SRPK2: variants seen among roughly 807,000 people sequenced by gnomAD.
SRPK2 encodes the protein SRSF protein kinase 2, also known as SFRS protein kinase 2.
In SRPK2, 21 loss-of-function variants were observed where a neutral mutation model predicts 90.8. That is an observed-to-expected ratio of 0.23 (90% CI 0.16 to 0.33). SRPK2 has a LOEUF of 0.33. SRPK2 is among the 10% of genes least tolerant of loss of function. The probability of loss-of-function intolerance (pLI) is 1.00; values close to 1 mark genes in which losing one functional copy is unlikely to be tolerated. For missense variants in SRPK2, 620 were observed against 869.0 expected (o/e 0.71, Z 3.60); for synonymous variants, 288 against 311.1 (o/e 0.93, Z 0.78).
At chr7:105,182,231 CAA>C (rs368137906) in intron 3 of SRPK2, among the ~76,000 whole-genome samples, 8 of 65,840 alleles carry the variant, frequency 1.2e-4, no homozygotes, top group Admixed American at 7.3e-4. Flanking sequence ...GACTCTGTCT[CAA>C]AAAAAAAAAA....
At chr7:105,199,291 T>C (rs1382205280) in intron 3 of SRPK2, among the ~76,000 whole-genome samples, 1 of 152,186 alleles carries the variant, frequency 6.6e-6, no homozygotes, top group Non-Finnish European at 1.5e-5. Context: ...GTGATGTCTT[T>C]TGTTGTTAAT....
At chr7:105,311,242 T>A (rs1243482800) in intron 2 of SRPK2, among the ~76,000 whole-genome samples, 1 of 149,300 alleles carries the variant, frequency 6.7e-6, no homozygotes, top group Non-Finnish European at 1.5e-5. Context: ...TTCTTTCTTA[T>A]TTTTTTTTTG....
In SRPK2 at chr7:105,293,473, G is replaced by A. The variant is rs544057274; in HGVS notation, c.72-89688C>T. Reference sequence around the variant, plus strand: ...TTTTTGTGGGGGGGTGGGAGACAGAGTCTTTGCAACCTTCCCCCTCCACCC... The same window carrying A: ...TTTTTGTGGGGGGGTGGGAGACAGAATCTTTGCAACCTTCCCCCTCCACCC... On this transcript the variant is annotated intron_variant, in intron 2 of 15. Transcript: ENST00000393651. Among the ~76,000 whole-genome samples the A allele has an allele frequency of 1.2e-4, 19 of 152,050 alleles. 1 individual carries two copies. Among genetic ancestry groups the A allele is most frequent in the African/African-American group, 4.3e-4 (18 of 41,460 alleles).
intron 2 of SRPK2, among the ~76,000 whole-genome samples, chr7:105,364,745 T>C (rs1818839330): frequency 6.6e-6 from 1 of 152,200 alleles, no homozygotes. Context: ...GAAGCTAAAT[T>C]AGAGACATTG....
Position 105,292,279 on chromosome 7 carries a change from G to A in SRPK2, c.72-88494C>T, listed in dbSNP as rs117584212. Among the ~76,000 whole-genome samples, 430 of 152,066 alleles carry A rather than the reference G, an allele frequency of 2.8e-3. 11 individuals carry two copies. The East Asian group carries it at 0.055, about 19-fold the overall frequency. ...TCCCAGCACTTTGGGAGGCCGAGGC[G>A]GGCCAATCATCTGAGGTCAGGAGTT... is the stretch of plus-strand genomic sequence containing the variant. On this transcript the variant is annotated intron_variant, in intron 2 of 15. Coordinates refer to ENST00000393651, the MANE Select transcript of SRPK2 (RefSeq NM_182692.3).
chr7:105,226,464 T>C (rs1473386251), intron 2 of SRPK2, among the ~76,000 whole-genome samples: 1 of 152,006 alleles, frequency 6.6e-6, no homozygotes, highest in African/African-American at 2.4e-5. Context: ...CTAACTTTAG[T>C]ATTTTTAGTA....
At position 105,368,429 on chromosome 7, in the gene SRPK2, ATC is replaced by A. The variant is rs572325437; in HGVS notation, c.71+20217_71+20218del. On this transcript the variant is annotated intron_variant, in intron 2 of 15. Coordinates refer to ENST00000393651, the MANE Select transcript of SRPK2 (RefSeq NM_182692.3). ...AGTTAAAAGTAAGGTTCTTACAATA[ATC>A]TCTCTTTGAGGACTAGAAACTATTT... Among the ~76,000 whole-genome samples the A allele has an allele frequency of 7.2e-5, 11 of 152,256 alleles. No individual in the cohort carries two copies. In the East Asian group the frequency reaches 2.1e-3, roughly 29 times the overall value.
At chr7:105,385,702 CTCAG>C (rs2132764143) in intron 2 of SRPK2, among the ~76,000 whole-genome samples, 1 of 152,350 alleles carries the variant, frequency 6.6e-6, no homozygotes, top group South Asian at 2.1e-4. Flanking sequence ...AATGCCATTT[CTCAG>C]AGAGTGGACT....
At chr7:105,388,729 G>C in intron 1 of SRPK2, 27 bp from the exon 2 acceptor site, 6 of 1,561,370 alleles carry the variant, frequency 3.8e-6, no homozygotes, top group Non-Finnish European at 5.2e-6. Flanking sequence ...ACACATTAAC[G>C]GTCGGGCCGC....
At chr7:105,224,284 G>C (rs1049969353) in intron 2 of SRPK2, among the ~76,000 whole-genome samples, 2 of 151,994 alleles carry the variant, frequency 1.3e-5, no homozygotes, top group African/African-American at 4.8e-5. Flanking sequence ...TAGAGTTACT[G>C]TTAGGAATTC....
chr7:105,204,838 A>C (rs116145716), intron 2 of SRPK2: 1 of 481,008 alleles, frequency 2.1e-6, no homozygotes, highest in African/African-American at 2.0e-5. Flanking sequence ...GTTGTCAATG[A>C]AGAGTTCAAA....
intron 2 of SRPK2, among the ~76,000 whole-genome samples, chr7:105,271,186 C>T (rs575192515): frequency 6.6e-6 from 1 of 152,306 alleles, no homozygotes; most frequent in East Asian, 1.9e-4. Flanking sequence ...ACAAAAAGTT[C>T]ACACTTCAGT....
intron 2 of SRPK2, among the ~76,000 whole-genome samples, chr7:105,239,101 T>C (rs994937064): frequency 5.3e-5 from 8 of 152,226 alleles, no homozygotes; most frequent in South Asian, 2.1e-4. Context: ...GAGTGTACAA[T>C]TGCACTACAT....
chr7:105,141,307 G>C (rs1440675663), intron 11 of SRPK2, among the ~76,000 whole-genome samples: 1 of 152,192 alleles, frequency 6.6e-6, no homozygotes, highest in Non-Finnish European at 1.5e-5. Flanking sequence ...TGTCAGTAGA[G>C]GGAGCAGAGG....
intron 2 of SRPK2, among the ~76,000 whole-genome samples, chr7:105,228,044 T>C (rs1376314051): frequency 6.6e-6 from 1 of 152,216 alleles, no homozygotes; most frequent in Admixed American, 6.5e-5. Context: ...ACCAATATCC[T>C]AATTTCTTTT....
chr7:105,280,293 T>C (rs1358497543), intron 2 of SRPK2, among the ~76,000 whole-genome samples: 1 of 151,926 alleles, frequency 6.6e-6, no homozygotes, highest in African/African-American at 2.4e-5. Context: ...TGCACACCTG[T>C]CATCCCAGCT....
upstream of SRPK2, among the ~76,000 whole-genome samples, chr7:105,392,331 A>G (rs935488743): frequency 2.6e-5 from 4 of 152,200 alleles, no homozygotes; most frequent in African/African-American, 9.6e-5. Flanking sequence ...GTTCTCTTTA[A>G]AGTGGTTTCT....
At chr7:105,335,064 AG>A (rs1430972094) in intron 2 of SRPK2, among the ~76,000 whole-genome samples, 1 of 152,098 alleles carries the variant, frequency 6.6e-6, no homozygotes, top group African/African-American at 2.4e-5. Flanking sequence ...CCAGCTAATC[AG>A]GAGGCTGAGG....
intron 2 of SRPK2, among the ~76,000 whole-genome samples, chr7:105,379,158 T>C (rs188161291): frequency 1.4e-5 from 2 of 145,996 alleles, no homozygotes; most frequent in East Asian, 3.9e-4. Flanking sequence ...TAAAAAAAAA[T>C]ATATATATAT....
Sources: gnomAD v4.1 joint callset for allele counts (sites outside exome capture counted in the v4.1 genomes callset) on GRCh38, gnomAD v4.1.1 for gene constraint, MANE v1.5 for transcripts, NCBI Gene and HGNC (gene_info 2026-07-23, HGNC 2026-07-21) for gene names.